The following VAV3 variants were observed in gnomAD, a reference collection of about 807,000 sequenced individuals.
VAV3 encodes the protein guanine nucleotide exchange factor VAV3.
A neutral mutation model predicts 131.2 loss-of-function variants in VAV3; 94 were observed. The ratio of observed to expected loss-of-function variants is 0.72; its 90% CI spans 0.61 to 0.85. VAV3 has a LOEUF of 0.85. VAV3 is among the 40% of genes least tolerant of loss of function. VAV3 has a pLI of 0.00. For missense variants in VAV3, 939 were observed against 1,002.7 expected, an observed-to-expected ratio of 0.94 and a Z score of 0.86; for synonymous variants, 349 against 342.0, an observed-to-expected ratio of 1.02 and a Z score of -0.22.
chr1:107,633,113 A>C (rs1654629065), intron 20 of VAV3, among the ~76,000 whole-genome samples: 1 of 152,358 alleles, frequency 6.6e-6, no homozygotes, highest in African/African-American at 2.4e-5. Context: ...AATGAAGGAA[A>C]TAATGAATCT....
chr1:107,726,372 G>A (rs1421540025), intron 15 of VAV3, among the ~76,000 whole-genome samples: 1 of 152,186 alleles, frequency 6.6e-6, no homozygotes, highest in East Asian at 1.9e-4. Flanking sequence ...CTGTGCTCCG[G>A]CAGAGGCGCT....
rs187369622 is a variant in VAV3 at position 107,820,627 on chromosome 1, T to C, written c.322-41135A>G. On this transcript the variant is annotated intron_variant, in intron 2 of 26. Transcript: ENST00000370056. ...ACTAAAAGTATAATTGGAATATTTA[T>C]AACACAAAGAAATGATAAATATTTG... 5.3e-3 allele frequency among the ~76,000 whole-genome samples: 803 copies of C among 152,292 alleles called. 10 individuals are homozygous for C. Among genetic ancestry groups the C allele is most frequent in the Non-Finnish European group, 7.7e-3 (521 of 68,008 alleles).
intron 2 of VAV3, among the ~76,000 whole-genome samples, chr1:107,823,382 G>A (rs1004909165): frequency 1.3e-5 from 2 of 152,160 alleles, no homozygotes; most frequent in South Asian, 2.1e-4. Context: ...CATTGACTGT[G>A]AGTCTGAAAC....
At chr1:107,804,901 T>C (rs1421069275) in intron 2 of VAV3, among the ~76,000 whole-genome samples, 4 of 152,022 alleles carry the variant, frequency 2.6e-5, no homozygotes, top group Admixed American at 6.6e-5. Flanking sequence ...CTCTCTTTCA[T>C]ATGTGAAGGA....
intron 2 of VAV3, among the ~76,000 whole-genome samples, chr1:107,855,379 C>T (rs1249105634): frequency 2.6e-5 from 4 of 152,128 alleles, no homozygotes; most frequent in African/African-American, 7.2e-5. Context: ...TGGATTCAAG[C>T]GATCCTCCCA....
At chr1:107,683,902 C>G (rs1287497620) in intron 18 of VAV3, among the ~76,000 whole-genome samples, 1 of 152,196 alleles carries the variant, frequency 6.6e-6, no homozygotes, top group Non-Finnish European at 1.5e-5. Context: ...TGAGCAACAA[C>G]AGCCTTAAAC....
At chr1:107,659,510 A>T (rs1656846112) in intron 19 of VAV3, among the ~76,000 whole-genome samples, 1 of 152,228 alleles carries the variant, frequency 6.6e-6, no homozygotes, top group South Asian at 2.1e-4. Flanking sequence ...TCTTTAAAGT[A>T]TGCAGAAGCA....
intron 24 of VAV3, among the ~76,000 whole-genome samples, chr1:107,598,199 CAA>C (rs1293540432): frequency 6.6e-6 from 1 of 152,058 alleles, no homozygotes. Context: ...ACCAAAAATA[CAA>C]AAAAGTTAGC....
At chr1:107,574,326 G>A in intron 25 of VAV3, 128 bp from the exon 26 acceptor site, 5 of 1,138,112 alleles carry the variant, frequency 4.4e-6, no homozygotes, top group Non-Finnish European at 6.0e-6. Context: ...CAGCGATAAT[G>A]GCAGAGGAGC....
chr1:107,723,583 T>C (rs1445227647), intron 15 of VAV3, among the ~76,000 whole-genome samples: 2 of 116,870 alleles, frequency 1.7e-5, no homozygotes, highest in African/African-American at 2.9e-5. Context: ...GTTGAAGCTA[T>C]ATTAGATCAC....
intron 2 of VAV3, among the ~76,000 whole-genome samples, chr1:107,820,527 T>C (rs1667753304): frequency 6.6e-6 from 1 of 152,058 alleles, no homozygotes; most frequent in South Asian, 2.1e-4. Flanking sequence ...TTAGATAGAA[T>C]GAATAAGATC....
intron 2 of VAV3, among the ~76,000 whole-genome samples, chr1:107,841,958 T>G (rs1172226431): frequency 1.3e-5 from 2 of 152,212 alleles, no homozygotes; most frequent in Non-Finnish European, 2.9e-5. Flanking sequence ...CTAGAAAATT[T>G]AAAATTACAT....
At chr1:107,878,781 G>T (rs1460199556) in intron 1 of VAV3, among the ~76,000 whole-genome samples, 1 of 152,148 alleles carries the variant, frequency 6.6e-6, no homozygotes, top group Non-Finnish European at 1.5e-5. Context: ...CTTTATAGCA[G>T]TAAGTAACCC....
intron 1 of VAV3, among the ~76,000 whole-genome samples, chr1:107,956,004 G>A (rs909925932): frequency 1.3e-5 from 2 of 152,186 alleles, no homozygotes; most frequent in African/African-American, 2.4e-5. Flanking sequence ...AGGGAACAAC[G>A]GCATACATGC....
intron 19 of VAV3, among the ~76,000 whole-genome samples, chr1:107,670,325 A>G (rs1326307864): frequency 6.6e-6 from 1 of 152,332 alleles, no homozygotes; most frequent in East Asian, 1.9e-4. Context: ...ATCTGGATCC[A>G]GATCTCTCTG....
At chr1:107,665,518 G>A (rs1223525820) in intron 19 of VAV3, among the ~76,000 whole-genome samples, 1 of 152,136 alleles carries the variant, frequency 6.6e-6, no homozygotes, top group East Asian at 1.9e-4. Flanking sequence ...ATCTCCCTAG[G>A]AAATGTAAAG....
At chr1:107,842,643 T>C (rs79482905) in intron 2 of VAV3, among the ~76,000 whole-genome samples, 1 of 152,182 alleles carries the variant, frequency 6.6e-6, no homozygotes, top group Admixed American at 6.5e-5. Context: ...GATTTCATTC[T>C]TCTTTTTTTT....
intron 19 of VAV3, among the ~76,000 whole-genome samples, chr1:107,662,952 T>C (rs959910822): frequency 9.9e-5 from 15 of 152,196 alleles, no homozygotes; most frequent in Admixed American, 9.2e-4. Flanking sequence ...CTCGGGCTGC[T>C]CCAGGCTGGT....
intron 24 of VAV3, among the ~76,000 whole-genome samples, chr1:107,601,694 G>A (rs1458117974): frequency 2.0e-5 from 3 of 152,074 alleles, no homozygotes; most frequent in African/African-American, 2.4e-5. Context: ...TGTTAGCAAC[G>A]CATACATGAT....
Sources: allele counts gnomAD v4.1 joint callset (sites outside exome capture counted in the v4.1 genomes callset), GRCh38; gene constraint gnomAD v4.1.1; transcripts MANE v1.5; gene names NCBI Gene and HGNC (gene_info 2026-07-23, HGNC 2026-07-21).